The following DGKG variants were observed in gnomAD, a reference collection of about 807,000 sequenced individuals.
DGKG encodes the protein diacylglycerol kinase gamma, also known as DAG kinase gamma.
Under a neutral mutation model 105.3 loss-of-function variants are expected in DGKG, and 78 were observed. The ratio of observed to expected loss-of-function variants is 0.74; its 90% CI spans 0.62 to 0.89. DGKG has a LOEUF of 0.89. DGKG is among the 40% of genes least tolerant of loss of function. The pLI is 0.00. For missense variants in DGKG, 958 were observed against 1,020.1 expected, an observed-to-expected ratio of 0.94 and a Z score of 0.83; for synonymous variants, 346 against 367.1, an observed-to-expected ratio of 0.94 and a Z score of 0.66.
chr3:186,179,240 C>T (rs78387504), intron 22 of DGKG, among the ~76,000 whole-genome samples: 2,913 of 152,314 alleles, frequency 0.019, 82 homozygotes, highest in African/African-American at 0.067. Flanking sequence ...AGAACACAGC[C>T]GTGCCCGTTC....
intron 14 of DGKG, among the ~76,000 whole-genome samples, chr3:186,264,059 C>T (rs1366977483): frequency 6.6e-6 from 1 of 152,208 alleles, no homozygotes; most frequent in Non-Finnish European, 1.5e-5. Flanking sequence ...TATTTAACAG[C>T]CAGTCCTACA....
intron 24 of DGKG, chr3:186,158,579 G>A: frequency 1.1e-6 from 1 of 932,340 alleles, no homozygotes; most frequent in Non-Finnish European, 1.3e-6. Context: ...TTGTAAACTA[G>A]TTTATGATCT....
At chr3:186,178,629 C>A (rs1349792366) in intron 22 of DGKG, among the ~76,000 whole-genome samples, 1 of 152,174 alleles carries the variant, frequency 6.6e-6, no homozygotes, top group Admixed American at 6.5e-5. Flanking sequence ...ACATTTCCAC[C>A]TCGCCAGGCC....
intron 20 of DGKG, among the ~76,000 whole-genome samples, chr3:186,224,888 C>T (rs1719777251): frequency 6.6e-6 from 1 of 152,122 alleles, no homozygotes. Flanking sequence ...CTGTTAGCTG[C>T]TGTGTCTCCC....
Position 186,149,925 on chromosome 3 carries a change from A to T in DGKG, c.*165T>A. The T allele has an allele frequency of 7.0e-7, 1 of 1,422,990 alleles. No homozygotes were observed. The highest frequency in any genetic ancestry group is 1.5e-5 in the South Asian group (1 of 64,638). 88.1% of individuals were successfully genotyped at this position (1,422,990 alleles called of 1,614,324 possible). The stretch of plus-strand genomic sequence containing the variant: ...CCACTGTTGAAACAGAATGTATGGC[A>T]AGGTGACGTTTTCTTCCCGAAGGGT... On this transcript the variant is annotated 3_prime_UTR_variant, in exon 25 of 25. Coordinates refer to ENST00000265022, the MANE Select transcript of DGKG (RefSeq NM_001346.3).
chr3:186,275,705 C>A (rs749477044), intron 9 of DGKG, 41 bp from the exon 10 acceptor site: 2 of 1,487,188 alleles, frequency 1.3e-6, no homozygotes, highest in Non-Finnish European at 1.9e-6. Context: ...GCTGGCTGCC[C>A]TGAGATGGAG....
intron 23 of DGKG, among the ~76,000 whole-genome samples, chr3:186,162,321 C>T (rs563698632): frequency 3.5e-4 from 53 of 152,310 alleles, no homozygotes; most frequent in African/African-American, 1.2e-3. Context: ...GGCCAGTGAG[C>T]GTGGCAGCGC....
chr3:186,225,021 C>T (rs1008557902), intron 20 of DGKG, among the ~76,000 whole-genome samples: 5 of 151,748 alleles, frequency 3.3e-5, no homozygotes, highest in Non-Finnish European at 7.4e-5. Context: ...AGTGACTTCT[C>T]TTTATGTTCT....
At chr3:186,167,929 G>A (rs1354117311) in intron 22 of DGKG, among the ~76,000 whole-genome samples, 3 of 152,218 alleles carry the variant, frequency 2.0e-5, no homozygotes, top group African/African-American at 7.2e-5. Flanking sequence ...AGAAAATGCT[G>A]CAATTGAACT....
chr3:186,304,273 TC>T (rs1383686020), intron 3 of DGKG, among the ~76,000 whole-genome samples: 3 of 152,244 alleles, frequency 2.0e-5, no homozygotes, highest in Non-Finnish European at 4.4e-5. Context: ...GGCAGTGAGT[TC>T]TTTGCTGGCT....
intron 3 of DGKG, among the ~76,000 whole-genome samples, chr3:186,302,529 T>C (rs1303590296): frequency 0.038 from 2,126 of 55,628 alleles, 124 homozygotes; most frequent in African/African-American, 0.16. Flanking sequence ...TATATATATA[T>C]ATACATATGT....
chr3:186,303,573 A>G lies in DGKG; in HGVS notation c.144+3328T>C, dbSNP rs187564360. Among the ~76,000 whole-genome samples, 211 of 152,326 alleles carry G rather than the reference A, an allele frequency of 1.4e-3. 2 individuals carry two copies. Among genetic ancestry groups the G allele is most frequent in the African/African-American group, 4.8e-3 (198 of 41,574 alleles). The stretch of plus-strand genomic sequence containing the variant: ...CTGTTACTGTCATTCTGGGGATAAA[A>G]CAAATTTTGACAACATAAATAACTT... On this transcript the variant is annotated intron_variant, in intron 3 of 24. Coordinates refer to ENST00000265022, the MANE Select transcript of DGKG (RefSeq NM_001346.3).
chr3:186,212,295 G>C (rs1416716226), intron 20 of DGKG, among the ~76,000 whole-genome samples: 1 of 152,188 alleles, frequency 6.6e-6, no homozygotes, highest in Admixed American at 6.5e-5. Context: ...GGGGTGTAAA[G>C]GGAAGATCCT....
At chr3:186,254,290 A>AT (rs1363097338) in intron 17 of DGKG, among the ~76,000 whole-genome samples, 3 of 152,186 alleles carry the variant, frequency 2.0e-5, no homozygotes, top group African/African-American at 7.2e-5. Flanking sequence ...CTGGGAGCTC[A>AT]TAGGTCCTCC....
intron 22 of DGKG, among the ~76,000 whole-genome samples, chr3:186,178,706 T>C (rs1264690985): frequency 5.3e-5 from 8 of 152,298 alleles, no homozygotes; most frequent in Admixed American, 4.6e-4. Flanking sequence ...GTCTTCTTCA[T>C]TCAGACGTCA....
intron 8 of DGKG, 127 bp from the exon 9 acceptor site, chr3:186,280,100 G>A: frequency 9.6e-6 from 12 of 1,246,248 alleles, no homozygotes; most frequent in Non-Finnish European, 1.1e-5. Context: ...CTCCTGTTAA[G>A]TGTGAATAGA....
intron 22 of DGKG, among the ~76,000 whole-genome samples, chr3:186,175,108 C>A (rs1004760573): frequency 1.3e-5 from 2 of 152,178 alleles, no homozygotes; most frequent in African/African-American, 4.8e-5. Context: ...CTGGAAAAAT[C>A]ATTTCCCTCC....
chr3:186,291,719 A>G (rs1173468830), intron 5 of DGKG, among the ~76,000 whole-genome samples: 2 of 141,648 alleles, frequency 1.4e-5, no homozygotes, highest in East Asian at 5.0e-4. Context: ...GCAGATCAGT[A>G]GTTGTATGGG....
chr3:186,335,229 A>G (rs1351425336), intron 1 of DGKG, among the ~76,000 whole-genome samples: 1 of 151,560 alleles, frequency 6.6e-6, no homozygotes. Flanking sequence ...CTACTACTGC[A>G]CCTGGCTAAT....
Sources: gnomAD v4.1 joint callset for allele counts (sites outside exome capture counted in the v4.1 genomes callset) on GRCh38, gnomAD v4.1.1 for gene constraint, MANE v1.5 for transcripts, NCBI Gene and HGNC (gene_info 2026-07-23, HGNC 2026-07-21) for gene names.